PLAT: variants seen among roughly 807,000 people sequenced by gnomAD.
PLAT encodes plasminogen activator, tissue type.
PLAT carries 48 observed loss-of-function variants against 74.9 expected under a neutral mutation model. The ratio of observed to expected loss-of-function variants is 0.64; its 90% CI spans 0.51 to 0.82. PLAT has a LOEUF of 0.82. Among genes scored for constraint, PLAT ranks in the 40% least tolerant of loss-of-function variants. PLAT has a pLI of 0.00. For synonymous variants in PLAT, 307 were observed against 294.4 expected (o/e 1.04, Z -0.44); for missense variants, 673 against 736.2 (o/e 0.91, Z 0.99).
At chr8:42,201,895 C>T (rs973367391) in intron 1 of PLAT, among the ~76,000 whole-genome samples, 1 of 152,236 alleles carries the variant, frequency 6.6e-6, no homozygotes, top group Non-Finnish European at 1.5e-5. Context: ...CGCTTTCTCT[C>T]AGTAGCCCAG....
At position 42,186,122 on chromosome 8, in the gene PLAT, CTCAT is replaced by C. The variant is rs1417924461; in HGVS notation, c.540-954_540-951del. ...GGAACTACGTCAGGCAAACCTGCCT[CTCAT>C]TTATTCCTCAATAAGATAGCTGCAA... On this transcript the variant is annotated intron_variant, in intron 6 of 13. Coordinates refer to ENST00000220809, the MANE Select transcript of PLAT (RefSeq NM_000930.5). 3 of 150,932 alleles carry C rather than the reference CTCAT, an allele frequency of 2.0e-5. No homozygotes were observed. The Admixed American group carries it at 2.0e-4, about 10-fold the overall frequency. The allele number at this position is 150,932 out of a possible 1,614,324, so 9.3% of individuals were successfully genotyped here. A position where few individuals can be genotyped will look rare whatever the true frequency, so the allele number is the denominator to read the frequency against.
In PLAT at chr8:42,181,914, G is replaced by A. The variant is rs142397698; in HGVS notation, c.889+23C>T. On this transcript the variant is annotated intron_variant, in intron 9 of 13. Coordinates refer to ENST00000220809, the MANE Select transcript of PLAT (RefSeq NM_000930.5). ...GAAGAAGGGAGACCAGGTGCAGGGA[G>A]GCAGCCGGGGCCCAGCCCTTACAGC... is the stretch of plus-strand genomic sequence containing the variant. 347 of 1,482,008 alleles carry A rather than the reference G, an allele frequency of 2.3e-4. 2 individuals carry two copies. The African/African-American group carries it at 4.0e-3, about 17-fold the overall frequency. The allele number at this position is 1,482,008 out of a possible 1,614,324, so 91.8% of individuals were successfully genotyped here. A position where few individuals can be genotyped will look rare whatever the true frequency, so the allele number is the denominator to read the frequency against.
intron 1 of PLAT, among the ~76,000 whole-genome samples, chr8:42,197,592 C>T (rs992412293): frequency 3.3e-5 from 5 of 152,072 alleles, no homozygotes; most frequent in African/African-American, 9.7e-5. Context: ...AAATGATGGT[C>T]GATGGGCACC....
In PLAT at chr8:42,182,827, G is replaced by A. The variant is rs758349613; in HGVS notation, c.695C>T (p.Ser232Leu). ...ATTCCACGGGAGGCAGGAGGCACCC[G>A]ACTCGGTGAGGCTGTGCGTGCCACG... ...AYRGTHSLTE[S>L]GASCLPWNSM... The change falls in exon 8 of 14, where the codon TCG becomes TTG. Residue 232 changes from serine (S) to leucine (L), a missense_variant. Transcript: ENST00000220809. The A allele has an allele frequency of 1.1e-5, 18 of 1,613,490 alleles. No homozygotes were observed. The highest frequency in any genetic ancestry group is 8.9e-5 in the East Asian group (4 of 44,888).
intron 13 of PLAT, among the ~76,000 whole-genome samples, chr8:42,178,533 G>A (rs1805069772): frequency 6.6e-6 from 1 of 152,158 alleles, no homozygotes; most frequent in Non-Finnish European, 1.5e-5. Context: ...GCCTCCCAAA[G>A]TGCTGGGATT....
intron 1 of PLAT, among the ~76,000 whole-genome samples, chr8:42,196,889 C>T (rs755381481): frequency 6.7e-6 from 1 of 149,014 alleles, no homozygotes; most frequent in Non-Finnish European, 1.5e-5. Flanking sequence ...AAGGGAGGCA[C>T]AGAAGGATAG....
intron 1 of PLAT, among the ~76,000 whole-genome samples, chr8:42,198,779 GTC>G (rs1806016969): frequency 6.6e-6 from 1 of 152,110 alleles, no homozygotes; most frequent in Non-Finnish European, 1.5e-5. Context: ...TTAGCAAAAG[GTC>G]TCTCTGAAAA....
intron 1 of PLAT, among the ~76,000 whole-genome samples, chr8:42,196,077 G>C (rs1328194292): frequency 6.6e-6 from 1 of 152,196 alleles, no homozygotes. Context: ...CAGATGCCGG[G>C]AAACTGCAAT....
At position 42,183,764 on chromosome 8, in the gene PLAT, T is replaced by C. The variant is rs1220461316; in HGVS notation, c.632-874A>G. 2.6e-5 allele frequency among the ~76,000 whole-genome samples: 4 copies of C among 152,212 alleles called. No homozygotes were observed. The East Asian group carries it at 7.7e-4, about 29-fold the overall frequency. On this transcript the variant is annotated intron_variant, in intron 7 of 13. Transcript: ENST00000220809. ...GATTATCTAGATCTGCGAGTCCTCA[T>C]TTAGACCAGACCATGGGGGATGGGG... is the stretch of plus-strand genomic sequence containing the variant.
intron 13 of PLAT, among the ~76,000 whole-genome samples, chr8:42,177,668 T>A (rs934347671): frequency 2.0e-5 from 3 of 152,248 alleles, no homozygotes; most frequent in Admixed American, 1.3e-4. Flanking sequence ...GCTGTTCTTA[T>A]ATTGAATTAA....
chr8:42,195,397 C>T (rs985737335), intron 1 of PLAT, among the ~76,000 whole-genome samples: 6 of 152,280 alleles, frequency 3.9e-5, no homozygotes, highest in South Asian at 2.1e-4. Context: ...GAGGGAGGCT[C>T]GCCAGCGTGG....
In PLAT at chr8:42,180,627, G is replaced by C. The variant is rs116608290; in HGVS notation, c.948C>G (p.Phe316Leu). The C allele has an allele frequency of 6.2e-7, 1 of 1,611,302 alleles. No individual in the cohort carries two copies. The highest frequency in any genetic ancestry group is 1.7e-5 in the Admixed American group (1 of 59,758). The part of the protein sequence containing the change: ...QPQFRIKGGL[F>L]ADIASHPWQA... ...GCCAGGGGTGGGAGGCGATGTCGGC[G>C]AAGAGCCCTCCTTTGATGCGAAACT... is the stretch of plus-strand genomic sequence containing the variant. Residue 316 changes from phenylalanine (F) to leucine (L), a missense_variant, in exon 10 of 14, where the codon TTC becomes TTG. By Grantham distance (22) the Phe-to-Leu change is conservative. Coordinates refer to ENST00000220809, the MANE Select transcript of PLAT (RefSeq NM_000930.5).
intron 3 of PLAT, 43 bp from the exon 4 acceptor site, chr8:42,189,114 A>C (rs748809159): frequency 6.3e-7 from 1 of 1,597,216 alleles, no homozygotes; most frequent in East Asian, 2.2e-5. Flanking sequence ...TATGACTCAA[A>C]ATGAAATGCC....
At position 42,184,693 on chromosome 8, in the gene PLAT, A is replaced by AG. The variant is rs1805381209; in HGVS notation, c.631+387dup. The AG allele has an allele frequency of 3.4e-5, 4 of 115,998 alleles. 1 individual carries two copies. The highest frequency in any genetic ancestry group is 5.3e-5 in the Non-Finnish European group (3 of 57,050). The allele number at this position is 115,998 out of a possible 1,614,324, so 7.2% of individuals were successfully genotyped here. A position where few individuals can be genotyped will look rare whatever the true frequency, so the allele number is the denominator to read the frequency against. ...TAATATATATTTTTTCAATCTTGGA[A>AG]GTTTTTTTTTTTTTTTTTTTGCATT... On this transcript the variant is annotated intron_variant, in intron 7 of 13. Coordinates refer to ENST00000220809, the MANE Select transcript of PLAT (RefSeq NM_000930.5).
At chr8:42,183,295 G>A (rs576504811) in intron 7 of PLAT, among the ~76,000 whole-genome samples, 1 of 152,256 alleles carries the variant, frequency 6.6e-6, no homozygotes, top group South Asian at 2.1e-4. Context: ...GAGCCAACAC[G>A]CCCGGCCTGA....
At chr8:42,203,693 A>C (rs373446621) in intron 1 of PLAT, among the ~76,000 whole-genome samples, 17 of 152,306 alleles carry the variant, frequency 1.1e-4, no homozygotes, top group Non-Finnish European at 1.5e-4. Flanking sequence ...GACTGGGCAC[A>C]GTGGCTCTTG....
At chr8:42,203,969 TTA>T (rs373313453) in intron 1 of PLAT, among the ~76,000 whole-genome samples, 2,759 of 105,022 alleles carry the variant, frequency 0.026, 98 homozygotes, top group East Asian at 0.13. Context: ...TGTCTCTAAA[TTA>T]TATATATATA....
chr8:42,192,888 A>G (rs1055196811), intron 2 of PLAT, among the ~76,000 whole-genome samples: 11 of 152,224 alleles, frequency 7.2e-5, no homozygotes, highest in African/African-American at 2.7e-4. Flanking sequence ...TCAGGTCAAA[A>G]TAAGTGCCTA....
intron 7 of PLAT, among the ~76,000 whole-genome samples, chr8:42,183,607 G>A (rs1411108721): frequency 6.6e-6 from 1 of 152,150 alleles, no homozygotes; most frequent in African/African-American, 2.4e-5. Flanking sequence ...GGCTTGGGAA[G>A]GAGGAGGGTA....
Sources: gnomAD v4.1 joint callset for allele counts (sites outside exome capture counted in the v4.1 genomes callset) on GRCh38, gnomAD v4.1.1 for gene constraint, MANE v1.5 for transcripts, NCBI Gene and HGNC (gene_info 2026-07-23, HGNC 2026-07-21) for gene names.